Variants in ODAD2 observed in about 807,000 individuals in gnomAD.
ODAD2 encodes the protein outer dynein arm docking complex subunit 2.
A neutral mutation model predicts 106.8 loss-of-function variants in ODAD2; 89 were observed. That is an observed-to-expected ratio of 0.83 (90% confidence interval 0.70 to 0.99). The LOEUF (loss-of-function observed/expected upper bound fraction) is 0.99. Among genes scored for constraint, ODAD2 ranks in the 50% least tolerant of loss-of-function variants. The probability of loss-of-function intolerance (pLI) is 0.00; values close to 1 mark genes in which losing one functional copy is unlikely to be tolerated. For synonymous variants in ODAD2, 404 were observed against 436.2 expected (o/e 0.93, Z 0.92); for missense variants, 1,168 against 1,238.5 (o/e 0.94, Z 0.85).
intron 16 of ODAD2, among the ~76,000 whole-genome samples, chr10:27,927,759 C>T (rs139919116): frequency 2.0e-3 from 306 of 152,224 alleles, no homozygotes; most frequent in African/African-American, 6.9e-3. Context: ...AACTCTCTGG[C>T]TGATGCCTGT....
intron 19 of ODAD2, among the ~76,000 whole-genome samples, chr10:27,844,434 C>T (rs1838557655): frequency 6.6e-6 from 1 of 152,144 alleles, no homozygotes; most frequent in African/African-American, 2.4e-5. Context: ...AGTTTCTCAA[C>T]CAGGCTCAGT....
chr10:27,839,656 G>GA (rs1281865371), intron 19 of ODAD2, among the ~76,000 whole-genome samples: 20 of 152,292 alleles, frequency 1.3e-4, no homozygotes, highest in Admixed American at 1.2e-3. Context: ...GTGAGCGCCA[G>GA]AAAAACGCTG....
chr10:27,867,113 T>C (rs917383970), intron 17 of ODAD2, among the ~76,000 whole-genome samples: 7 of 151,950 alleles, frequency 4.6e-5, no homozygotes, highest in Non-Finnish European at 7.4e-5. Context: ...ATATACACCA[T>C]AGTAGGTGAA....
At chr10:27,852,834 G>A (rs978091551) in intron 19 of ODAD2, among the ~76,000 whole-genome samples, 8 of 151,956 alleles carry the variant, frequency 5.3e-5, no homozygotes, top group Non-Finnish European at 1.0e-4. Flanking sequence ...GGTGGCATGA[G>A]CCTGTAATCT....
At chr10:27,840,136 TGAG>T (rs1838201996) in intron 19 of ODAD2, among the ~76,000 whole-genome samples, 1 of 152,196 alleles carries the variant, frequency 6.6e-6, no homozygotes, top group Non-Finnish European at 1.5e-5. Flanking sequence ...TTTTCACAAC[TGAG>T]GTAAAATATT....
rs751000239 is a variant in ODAD2, at chr10:27,944,432, CTG to C, written c.1534-3_1534-2del. 1 of 1,611,278 alleles carries C rather than the reference CTG, an allele frequency of 6.2e-7. No individual in the cohort carries two copies. The highest frequency in any genetic ancestry group is 1.3e-5 in the African/African-American group (1 of 74,888). ...CCTTCAGTATTTTTAATGAACCAAT[CTG>C]TGTGAGAAAAAAAAAGATGAGTGGC... On this transcript the variant is annotated splice_acceptor_variant and splice_polypyrimidine_tract_variant and intron_variant, in intron 11 of 19. Transcript: ENST00000305242. LOFTEE classifies it high-confidence loss of function.
chr10:27,953,554 A>G (rs1335647359), intron 10 of ODAD2, among the ~76,000 whole-genome samples: 1 of 152,206 alleles, frequency 6.6e-6, no homozygotes, highest in Non-Finnish European at 1.5e-5. Flanking sequence ...AATGTTATCA[A>G]TAAGGCAATT....
At chr10:27,892,596 C>T (rs758522726) in intron 17 of ODAD2, among the ~76,000 whole-genome samples, 1 of 152,100 alleles carries the variant, frequency 6.6e-6, no homozygotes. Context: ...CTTGCTTTCT[C>T]CAAAATGAAG....
At chr10:27,977,449 C>T (rs1849265012) in intron 7 of ODAD2, among the ~76,000 whole-genome samples, 1 of 151,340 alleles carries the variant, frequency 6.6e-6, no homozygotes, top group South Asian at 2.1e-4. Context: ...CGCCTGTAGT[C>T]CCAGCTACTT....
intron 19 of ODAD2, among the ~76,000 whole-genome samples, chr10:27,824,226 G>T (rs990352260): frequency 6.6e-6 from 1 of 151,744 alleles, no homozygotes; most frequent in Non-Finnish European, 1.5e-5. Flanking sequence ...TCTAGTCTAG[G>T]AGAACATCAA....
chr10:27,874,761 G>A (rs977615976), intron 17 of ODAD2, among the ~76,000 whole-genome samples: 2 of 152,108 alleles, frequency 1.3e-5, no homozygotes, highest in Admixed American at 6.6e-5. Context: ...TGTGTAACCC[G>A]AACTTTCTCT....
chr10:27,848,858 T>C lies in ODAD2; in HGVS notation c.3021+11767A>G, dbSNP rs548235124. On this transcript the variant is annotated intron_variant, in intron 19 of 19. Coordinates refer to ENST00000305242, the MANE Select transcript of ODAD2 (RefSeq NM_018076.5). ...AAATCAAAACCACAATGAGATACCA[T>C]CTCACACCAGTTAGAATGGCGATCA... 6.6e-5 allele frequency among the ~76,000 whole-genome samples: 10 copies of C among 152,234 alleles called. No individual in the cohort carries two copies. In the South Asian group the frequency reaches 2.1e-3, roughly 32 times the overall value.
At chr10:27,952,527 C>T (rs1425006104) in intron 10 of ODAD2, among the ~76,000 whole-genome samples, 3 of 152,046 alleles carry the variant, frequency 2.0e-5, no homozygotes, top group Non-Finnish European at 2.9e-5. Context: ...CATGCACTGG[C>T]TATTTGTCCT....
intron 19 of ODAD2, among the ~76,000 whole-genome samples, chr10:27,823,667 G>A (rs977813638): frequency 6.6e-6 from 1 of 152,106 alleles, no homozygotes; most frequent in Non-Finnish European, 1.5e-5. Flanking sequence ...GTTGACCAGA[G>A]GCATTAATAT....
At chr10:27,823,923 G>A (rs976864031) in intron 19 of ODAD2, among the ~76,000 whole-genome samples, 1 of 116,282 alleles carries the variant, frequency 8.6e-6, no homozygotes, top group African/African-American at 4.8e-5. Flanking sequence ...GGCGGATCAC[G>A]AGGTCAGGAG....
intron 19 of ODAD2, among the ~76,000 whole-genome samples, chr10:27,859,736 T>A (rs1472319834): frequency 1.3e-5 from 2 of 152,248 alleles, no homozygotes; most frequent in Non-Finnish European, 2.9e-5. Flanking sequence ...CTCTAAGTAT[T>A]TTTATACTTA....
Position 27,944,926 on chromosome 10 carries a change from A to C in ODAD2, c.1423T>G (p.Ser475Ala). The C allele has an allele frequency of 6.2e-7, 1 of 1,614,180 alleles. No homozygotes were observed. Among genetic ancestry groups the C allele is most frequent in the Non-Finnish European group, 8.5e-7 (1 of 1,180,004 alleles). ...NQTATVIALC[S>A]MRDFSLAQET... ...TGAGCTAAGCTGAAATCCCTCATTG[A>C]ACACAACGCAATCACTGTAGCTGTT... The change falls in exon 11 of 20, where the codon TCA (serine) becomes GCA (alanine). Residue 475 changes from serine to alanine, a missense_variant. This residue lies in a region of ODAD2 where 701 missense variants were observed against 712.3 expected (regional missense o/e 0.98). Transcript: ENST00000305242.
At chr10:27,850,005 C>T (rs191771794) in intron 19 of ODAD2, among the ~76,000 whole-genome samples, 3 of 152,120 alleles carry the variant, frequency 2.0e-5, no homozygotes, top group Non-Finnish European at 4.4e-5. Context: ...CCATGAGTCA[C>T]GGTTTGAAAT....
Position 27,971,409 on chromosome 10 carries a change from T to C in ODAD2, c.937-96A>G, listed in dbSNP as rs192656340. On this transcript the variant is annotated intron_variant, in intron 7 of 19. Coordinates refer to ENST00000305242, the MANE Select transcript of ODAD2 (RefSeq NM_018076.5). ...AGTGGTAAATTCAGGAAAGGAAGTC[T>C]CGGATGCATTTAACTTGTGGTCCTT... 7.1e-5 allele frequency: 75 copies of C among 1,055,286 alleles called. No homozygotes were observed. The African/African-American group carries it at 1.1e-3, about 16-fold the overall frequency. 65.4% of individuals were successfully genotyped at this position (1,055,286 alleles called of 1,614,324 possible).
Sources: gnomAD v4.1 joint callset for allele counts (sites outside exome capture counted in the v4.1 genomes callset) on GRCh38, gnomAD v4.1.1 for gene constraint, gnomAD v4.1.1 regional missense constraint, MANE v1.5 for transcripts, NCBI Gene and HGNC (gene_info 2026-07-23, HGNC 2026-07-21) for gene names.